NCOR2: variants seen among roughly 807,000 people sequenced by gnomAD.
The protein encoded by NCOR2 is CTG repeat protein 26.
Under a neutral mutation model 262.9 loss-of-function variants are expected in NCOR2, and 81 were observed. The observed-to-expected ratio is 0.31, with a 90% CI of 0.26 to 0.37. NCOR2 has a LOEUF of 0.37. Among genes scored for constraint, NCOR2 ranks in the 10% least tolerant of loss-of-function variants. NCOR2 has a pLI of 1.00. For synonymous variants in NCOR2, 1,659 were observed against 1,559.3 expected (o/e 1.06, Z -1.51); for missense variants, 3,385 against 3,621.4 (o/e 0.93, Z 1.68).
At chr12:124,362,275 G>A (rs764926503) in exon 22 of NCOR2, 13 of 1,313,918 alleles carry the variant, frequency 9.9e-6, no homozygotes, top group Middle Eastern at 2.0e-4. Context: ...CTCCCGGGGG[G>A]GCTCATGGAC....
At chr12:124,456,022 T>C (rs910291093) in intron 6 of NCOR2, among the ~76,000 whole-genome samples, 13 of 152,152 alleles carry the variant, frequency 8.5e-5, no homozygotes, top group Non-Finnish European at 1.5e-4. Flanking sequence ...ACGAAAGGCG[T>C]GCATCACCAC....
At chr12:124,388,799 T>C (rs2136131902) in intron 16 of NCOR2, 4 of 1,297,084 alleles carry the variant, frequency 3.1e-6, no homozygotes, top group African/African-American at 1.5e-5. Context: ...CGGTCGGCTC[T>C]GCGAGGCTGC....
At chr12:124,354,382 G>A in intron 26 of NCOR2, 96 bp downstream of exon 28, 1 of 1,265,560 alleles carries the variant, frequency 7.9e-7, no homozygotes, top group South Asian at 1.5e-5. Context: ...GACCCTCTGG[G>A]AGATGACACT....
exon 43 of NCOR2, chr12:124,332,457 A>T: frequency 6.2e-7 from 1 of 1,614,130 alleles, no homozygotes; most frequent in Non-Finnish European, 8.5e-7. Flanking sequence ...GGAGACTTGG[A>T]GCCCATCCTG....
At chr12:124,475,094 A>G (rs1565977451) in intron 3 of NCOR2, among the ~76,000 whole-genome samples, 1 of 152,148 alleles carries the variant, frequency 6.6e-6, no homozygotes, top group Non-Finnish European at 1.5e-5. Context: ...TTGGAGTCAC[A>G]TTAGGTTTGC....
At chr12:124,367,526 T>C (rs1445918283) in intron 20 of NCOR2, among the ~76,000 whole-genome samples, 2 of 152,124 alleles carry the variant, frequency 1.3e-5, no homozygotes, top group South Asian at 2.1e-4. Context: ...TCAGGGCCCA[T>C]CTGACCGCCC....
chr12:124,501,033 G>A (rs576272187), intron 1 of NCOR2, among the ~76,000 whole-genome samples: 8 of 151,658 alleles, frequency 5.3e-5, no homozygotes, highest in South Asian at 2.1e-4. Flanking sequence ...GGCAGAGAGC[G>A]CCCACGGCAC....
At chr12:124,420,183 G>A (rs2043132786) in intron 12 of NCOR2, 128 bp from the exon 15 acceptor site, 3 of 667,224 alleles carry the variant, frequency 4.5e-6, no homozygotes, top group South Asian at 3.4e-5. Flanking sequence ...TCGGACAGAT[G>A]ACCTAACCTC....
intron 13 of NCOR2, among the ~76,000 whole-genome samples, chr12:124,407,161 C>T (rs566518134): frequency 5.0e-4 from 76 of 152,324 alleles, no homozygotes; most frequent in Non-Finnish European, 9.0e-4. Flanking sequence ...TCTTTCCTTC[C>T]GCCAGCATAA....
chr12:124,417,778 C>T (rs906111139), intron 13 of NCOR2, among the ~76,000 whole-genome samples: 28 of 152,312 alleles, frequency 1.8e-4, no homozygotes, highest in South Asian at 6.2e-4. Context: ...AACACCGTAG[C>T]GGCTGAGCAC....
In NCOR2 at chr12:124,457,615, T is replaced by C. The variant is rs1464279624; in HGVS notation, c.706-453A>G. On this transcript the variant is annotated intron_variant, in intron 5 of 46. Transcript: ENST00000405201. This position sits in a 1 kb window ranked among gnomAD's most constrained non-coding sequence, Gnocchi z 4.0. The stretch of plus-strand genomic sequence containing the variant: ...GGAGGAGGAGGAGGAGGAGGGAGGG[T>C]GAGATAGAGGCGCTCGGAGATACCC... 6.6e-6 allele frequency among the ~76,000 whole-genome samples: 1 copy of C among 151,234 alleles called. No homozygotes were observed. The highest frequency in any genetic ancestry group is 1.5e-5 in the Non-Finnish European group (1 of 67,776).
intron 1 of NCOR2, among the ~76,000 whole-genome samples, chr12:124,554,704 C>G (rs1162307225): frequency 1.3e-5 from 2 of 152,254 alleles, no homozygotes; most frequent in African/African-American, 4.8e-5. Context: ...CTTCCACGTT[C>G]CCACTGAGGG....
rs1268991211 is a variant in NCOR2, at chr12:124,482,974, CTG to C, written c.411+620_411+621del. Among the ~76,000 whole-genome samples, 3 of 152,186 alleles carry C rather than the reference CTG, an allele frequency of 2.0e-5. No homozygotes were observed. The highest frequency in any genetic ancestry group is 4.4e-5 in the Non-Finnish European group (3 of 68,024). On this transcript the variant is annotated intron_variant, in intron 3 of 46. Coordinates refer to ENST00000405201, the Ensembl canonical transcript of NCOR2. This position sits in a 1 kb window ranked among gnomAD's most constrained non-coding sequence, Gnocchi z 6.3. Reference sequence around the variant, plus strand: ...CCGCCCCTTTAGTGCTGAGCCAACTCTGTCTCATCTCACTTTGCGGGACTCTG... The same window carrying C: ...CCGCCCCTTTAGTGCTGAGCCAACTCTCTCATCTCACTTTGCGGGACTCTG...
intron 20 of NCOR2, among the ~76,000 whole-genome samples, chr12:124,367,199 T>G (rs1162141739): frequency 1.3e-5 from 2 of 152,076 alleles, no homozygotes; most frequent in African/African-American, 4.8e-5. Context: ...TAGTAGGGTG[T>G]GGGCAGTCAG....
intron 1 of NCOR2, among the ~76,000 whole-genome samples, chr12:124,532,429 C>T (rs985715012): frequency 7.2e-5 from 11 of 152,232 alleles, no homozygotes; most frequent in Admixed American, 2.6e-4. Flanking sequence ...CCACTCACCC[C>T]TGCTGGCCCC....
At chr12:124,342,585 G>T (rs999453603) in intron 33 of NCOR2, among the ~76,000 whole-genome samples, 2 of 152,106 alleles carry the variant, frequency 1.3e-5, no homozygotes, top group African/African-American at 2.4e-5. Flanking sequence ...AGCCAGGATG[G>T]TCTCTATCTC....
At chr12:124,479,309 C>A (rs938245284) in intron 3 of NCOR2, among the ~76,000 whole-genome samples, 1 of 151,880 alleles carries the variant, frequency 6.6e-6, no homozygotes, top group Non-Finnish European at 1.5e-5. Flanking sequence ...CGCACATGCA[C>A]GGACACATGC....
intron 16 of NCOR2, among the ~76,000 whole-genome samples, chr12:124,388,358 A>G (rs1443407586): frequency 6.6e-6 from 1 of 151,986 alleles, no homozygotes; most frequent in Non-Finnish European, 1.5e-5. Context: ...GGAGAGAAAG[A>G]CTTTCTACCC....
intron 1 of NCOR2, among the ~76,000 whole-genome samples, chr12:124,516,786 C>T (rs957623309): frequency 1.3e-5 from 2 of 150,756 alleles, no homozygotes; most frequent in Admixed American, 6.6e-5. Context: ...ATGCTGAAAT[C>T]CCAGGGGCCC....
Sources: gnomAD v4.1 joint callset for allele counts (sites outside exome capture counted in the v4.1 genomes callset) on GRCh38, gnomAD v4.1.1 for gene constraint, Gnocchi (gnomAD v3.1) non-coding constraint, MANE v1.5 for transcripts, NCBI Gene and HGNC (gene_info 2026-07-23, HGNC 2026-07-21) for gene names.